The following DNAJC11 variants were observed in gnomAD, a reference collection of about 807,000 sequenced individuals.
DNAJC11 encodes DnaJ heat shock protein family (Hsp40) member C11.
DNAJC11 carries 15 observed loss-of-function variants against 78.6 expected under a neutral mutation model. That is an observed-to-expected ratio of 0.19 (90% confidence interval 0.13 to 0.29). The LOEUF is 0.29. DNAJC11 is among the 10% of genes least tolerant of loss of function. DNAJC11 has a pLI of 1.00. For missense variants in DNAJC11, 547 were observed against 709.6 expected (o/e 0.77, Z 2.60); for synonymous variants, 292 against 272.1 (o/e 1.07, Z -0.72).
At chr1:6,646,023 C>G in intron 7 of DNAJC11, 45 bp from the exon 8 acceptor site, 2 of 1,587,226 alleles carry the variant, frequency 1.3e-6, no homozygotes, top group African/African-American at 1.3e-5. Context: ...AGCACCTGCT[C>G]TCAGCTGTTC....
intron 1 of DNAJC11, among the ~76,000 whole-genome samples, chr1:6,691,189 A>G (rs572044993): frequency 1.8e-4 from 6 of 33,626 alleles, no homozygotes; most frequent in South Asian, 2.3e-3. Context: ...CCAAAGACTG[A>G]AAAAAAAAAA....
At chr1:6,675,498 C>G (rs947085996) in intron 3 of DNAJC11, among the ~76,000 whole-genome samples, 1 of 152,124 alleles carries the variant, frequency 6.6e-6, no homozygotes, top group East Asian at 1.9e-4. Context: ...TCACTGAAAC[C>G]TCGACCTCCT....
At chr1:6,686,839 A>G (rs1017450436) in intron 1 of DNAJC11, among the ~76,000 whole-genome samples, 3 of 152,226 alleles carry the variant, frequency 2.0e-5, no homozygotes, top group African/African-American at 7.2e-5. Context: ...TATTAAAGCC[A>G]CCAGGTTTTT....
intron 3 of DNAJC11, among the ~76,000 whole-genome samples, chr1:6,670,120 AT>A (rs567170748): frequency 3.3e-5 from 5 of 149,514 alleles, no homozygotes; most frequent in South Asian, 2.1e-4. Flanking sequence ...CGCCTGGTTA[AT>A]TTTTTTTTTG....
Position 6,639,915 on chromosome 1 carries a change from C to T in DNAJC11, c.1240G>A (p.Ala414Thr). ...GTGTCAACTCACTTCTCTTTCTGAG[C>T]CCTGAGGTATGGTTTGATGATCAGA... is the stretch of plus-strand genomic sequence containing the variant. ...HRLIIKPYLR[A>T]QKEKELEKQR... The change falls in exon 11 of 16, where the codon GCT becomes ACT. Residue 414 changes from alanine to threonine, a missense_variant. By Grantham distance (58) the Ala-to-Thr change is moderately conservative. Coordinates refer to ENST00000377577, the MANE Select transcript of DNAJC11 (RefSeq NM_018198.4). 9 of 1,613,042 alleles carry T rather than the reference C, an allele frequency of 5.6e-6. No homozygotes were observed. The highest frequency in any genetic ancestry group is 6.8e-6 in the Non-Finnish European group (8 of 1,179,702).
chr1:6,687,599 C>T (rs191545603), intron 1 of DNAJC11, among the ~76,000 whole-genome samples: 2 of 152,142 alleles, frequency 1.3e-5, no homozygotes, highest in East Asian at 1.9e-4. Context: ...CCTCGTGATC[C>T]GCCCACCTCG....
chr1:6,679,362 A>G (rs1557484481), intron 2 of DNAJC11, among the ~76,000 whole-genome samples: 2 of 152,204 alleles, frequency 1.3e-5, no homozygotes, highest in African/African-American at 4.8e-5. Context: ...TGGCCACATC[A>G]CCCAAAATAC....
rs2147885519 is a variant in DNAJC11, at chr1:6,692,608, A to G, written c.72+9121T>C. Among the ~76,000 whole-genome samples, 2 of 57,164 alleles carry G rather than the reference A, an allele frequency of 3.5e-5. 1 individual carries two copies. The highest frequency in any genetic ancestry group is 1.3e-3 in the South Asian group (2 of 1,494). 37.5% of individuals were successfully genotyped at this position (57,164 alleles called of 152,430 possible). A position where few individuals can be genotyped will look rare whatever the true frequency, so the allele number is the denominator to read the frequency against. ...AACAGAAAGTAAAAAATGCTTCAGG[A>G]ATTTTTTTTTTTTTTTTTTGAGATG... is the stretch of plus-strand genomic sequence containing the variant. On this transcript the variant is annotated intron_variant, in intron 1 of 15. Coordinates refer to ENST00000377577, the MANE Select transcript of DNAJC11 (RefSeq NM_018198.4).
At chr1:6,687,387 C>G (rs927814052) in intron 1 of DNAJC11, among the ~76,000 whole-genome samples, 11 of 137,202 alleles carry the variant, frequency 8.0e-5, no homozygotes, top group African/African-American at 1.9e-4. Context: ...GACAGAGTCT[C>G]GCTCTGTCGC....
At position 6,634,665 on chromosome 1, in the gene DNAJC11, C is replaced by T. The variant is rs1162997801; in HGVS notation, c.*1010G>A. ...GGCCGTGGAGGGGGTCCTAGCTCCG[C>T]TGCATTCTGCATCCCAAGTGGGCAC... is the stretch of plus-strand genomic sequence containing the variant. On this transcript the variant is annotated 3_prime_UTR_variant, in exon 16 of 16. Coordinates refer to ENST00000377577, the MANE Select transcript of DNAJC11 (RefSeq NM_018198.4). The T allele has an allele frequency of 7.3e-7, 1 of 1,366,422 alleles. No individual in the cohort carries two copies. The highest frequency in any genetic ancestry group is 9.8e-7 in the Non-Finnish European group (1 of 1,021,810). The allele number at this position is 1,366,422 out of a possible 1,614,324, so 84.6% of individuals were successfully genotyped here. A position where few individuals can be genotyped will look rare whatever the true frequency, so the allele number is the denominator to read the frequency against.
At chr1:6,664,087 G>A (rs1642258606) in intron 4 of DNAJC11, among the ~76,000 whole-genome samples, 4 of 152,174 alleles carry the variant, frequency 2.6e-5, no homozygotes, top group African/African-American at 7.2e-5. Flanking sequence ...GACACACGCC[G>A]GGGCTGGGGA....
At position 6,645,156 on chromosome 1, in the gene DNAJC11, G is replaced by A. The variant is rs750020070; in HGVS notation, c.895-30C>T. The stretch of plus-strand genomic sequence containing the variant: ...GGAGACAGAGGGTGCAAGGATGCGT[G>A]GCTAGGGCGTGTGACTCTGTGGGGA... On this transcript the variant is annotated intron_variant, in intron 8 of 15. Coordinates refer to ENST00000377577, the MANE Select transcript of DNAJC11 (RefSeq NM_018198.4). The surrounding 1 kb of genome is among the most constrained non-coding windows in gnomAD (Gnocchi z 4.1). 13 of 1,570,988 alleles carry A rather than the reference G, an allele frequency of 8.3e-6. No individual in the cohort carries two copies. Among genetic ancestry groups the A allele is most frequent in the Non-Finnish European group, 8.8e-6 (10 of 1,142,476 alleles).
At chr1:6,699,557 C>T (rs576909224) in intron 1 of DNAJC11, among the ~76,000 whole-genome samples, 21 of 152,220 alleles carry the variant, frequency 1.4e-4, no homozygotes, top group African/African-American at 5.1e-4. Flanking sequence ...TATTGCTTGA[C>T]TTCTAAAAAC....
At chr1:6,637,095 C>G in intron 14 of DNAJC11, 103 bp downstream of exon 14, 1 of 1,470,000 alleles carries the variant, frequency 6.8e-7, no homozygotes, top group Non-Finnish European at 9.3e-7. Flanking sequence ...AGCAATCCGC[C>G]CACCTTGGCC....
intron 1 of DNAJC11, among the ~76,000 whole-genome samples, chr1:6,685,300 A>AGG (rs1198475064): frequency 3.9e-5 from 6 of 152,214 alleles, no homozygotes; most frequent in African/African-American, 1.4e-4. Flanking sequence ...GGGATCCACA[A>AGG]AGTCAAAACT....
At chr1:6,677,174 AC>A (rs200962155) in intron 3 of DNAJC11, among the ~76,000 whole-genome samples, 17,837 of 130,766 alleles carry the variant, frequency 0.14, 2,224 homozygotes, top group Admixed American at 0.18. Context: ...AAAAAAAAAA[AC>A]AAAAAAAACG....
At chr1:6,675,058 C>T (rs1642439917) in intron 3 of DNAJC11, among the ~76,000 whole-genome samples, 1 of 152,192 alleles carries the variant, frequency 6.6e-6, no homozygotes, top group Non-Finnish European at 1.5e-5. Context: ...AGAGAATCCT[C>T]ATATGGAACA....
intron 4 of DNAJC11, among the ~76,000 whole-genome samples, chr1:6,664,397 A>G (rs2039364): frequency 0.36 from 55,198 of 151,562 alleles, 10,388 homozygotes; most frequent in African/African-American, 0.43. Context: ...CTGCCACCAC[A>G]CCCGGCTAAT....
chr1:6,667,254 T>C (rs926982778), intron 4 of DNAJC11, among the ~76,000 whole-genome samples: 1 of 152,132 alleles, frequency 6.6e-6, no homozygotes, highest in Non-Finnish European at 1.5e-5. Flanking sequence ...GCCCTCTGCA[T>C]TATTTGGCTC....
Sources: allele counts gnomAD v4.1 joint callset (sites outside exome capture counted in the v4.1 genomes callset), GRCh38; gene constraint gnomAD v4.1.1; non-coding constraint Gnocchi (gnomAD v3.1); transcripts MANE v1.5; gene names NCBI Gene and HGNC (gene_info 2026-07-23, HGNC 2026-07-21).